The following LINGO2 variants were observed in gnomAD, a reference collection of about 807,000 sequenced individuals.
The protein encoded by LINGO2 is leucine rich repeat and Ig domain containing 2, also known as leucine-rich repeat and immunoglobulin-like domain-containing nogo receptor-interacting protein 2.
LINGO2 carries 14 observed loss-of-function variants against 30.6 expected under a neutral mutation model. That is an observed-to-expected ratio of 0.46 (90% confidence interval 0.30 to 0.72). The LOEUF (loss-of-function observed/expected upper bound fraction) is 0.72, where lower values mean the gene tolerates loss of function less well. Ranked by LOEUF, LINGO2 falls within the 30% of genes least tolerant of loss-of-function variation. The probability of loss-of-function intolerance (pLI) is 0.07; values close to 1 mark genes in which losing one functional copy is unlikely to be tolerated. For missense variants in LINGO2, 729 were observed against 751.7 expected (o/e 0.97, Z 0.35); for synonymous variants, 317 against 288.5 (o/e 1.10, Z -1.00).
At chr9:28,848,193 C>CT in the LINGO2 span, among the ~76,000 whole-genome samples, 4,272 of 92,618 alleles carry the variant, frequency 0.046, 597 homozygotes, top group African/African-American at 0.19. Flanking sequence ...TATATATACA[C>CT]ATATATAGTA....
chr9:28,845,224 T>C, the LINGO2 span, among the ~76,000 whole-genome samples: 1 of 151,898 alleles, frequency 6.6e-6, no homozygotes, highest in African/African-American at 2.4e-5. Context: ...GTCCAGATGC[T>C]CTTGAATTGG....
intron 1 of LINGO2, among the ~76,000 whole-genome samples, chr9:28,476,362 G>A (rs1001919101): frequency 6.6e-5 from 10 of 152,242 alleles, no homozygotes; most frequent in East Asian, 1.9e-4. Flanking sequence ...TGCAGGCTCC[G>A]CCTCCCGGGT....
intron 2 of LINGO2, among the ~76,000 whole-genome samples, chr9:28,421,327 AGGCTTAATATT>A (rs984895806): frequency 3.4e-4 from 51 of 152,078 alleles, no homozygotes; most frequent in African/African-American, 1.1e-3. Context: ...ATTAATCAGA[AGGCTTAATATT>A]GTTAAAATGT....
the LINGO2 span, among the ~76,000 whole-genome samples, chr9:28,970,798 G>A: frequency 1.3e-5 from 2 of 152,186 alleles, no homozygotes; most frequent in Admixed American, 1.3e-4. Flanking sequence ...TTGAAAGGCA[G>A]TCTAGGCGAC....
At chr9:28,456,203 C>T (rs1009341728) in intron 2 of LINGO2, among the ~76,000 whole-genome samples, 14 of 152,164 alleles carry the variant, frequency 9.2e-5, no homozygotes, top group African/African-American at 3.1e-4. Flanking sequence ...CCATTTTACA[C>T]ATAAGCAAAG....
Position 28,388,615 on chromosome 9 carries a change from C to T in LINGO2, c.-278-15747G>A, listed in dbSNP as rs1434913187. On this transcript the variant is annotated intron_variant, in intron 2 of 5. Coordinates refer to ENST00000379992, the Ensembl canonical transcript of LINGO2. The stretch of plus-strand genomic sequence containing the variant: ...AATTTTTGCCAATCCTGTATCTCAC[C>T]CTTCATTTTAATATGTATGTCCCTC... 3.9e-5 allele frequency among the ~76,000 whole-genome samples: 6 copies of T among 152,172 alleles called. No homozygotes were observed. In the South Asian group the frequency reaches 8.3e-4, roughly 21 times the overall value.
intron 4 of LINGO2, among the ~76,000 whole-genome samples, chr9:28,133,474 ATAAAGT>A (rs897159232): frequency 2.6e-5 from 4 of 152,304 alleles, no homozygotes; most frequent in African/African-American, 9.6e-5. Context: ...GACTAGAGAT[ATAAAGT>A]TAAAGTTAAT....
At chr9:29,098,870 A>AG in the LINGO2 span, among the ~76,000 whole-genome samples, 1 of 152,170 alleles carries the variant, frequency 6.6e-6, no homozygotes, top group Non-Finnish European at 1.5e-5. Context: ...AGCAACTGAA[A>AG]GAAAAAAAAT....
At chr9:28,749,733 AG>A in the LINGO2 span, among the ~76,000 whole-genome samples, 1 of 152,094 alleles carries the variant, frequency 6.6e-6, no homozygotes, top group African/African-American at 2.4e-5. Context: ...TACTCACAAA[AG>A]TTTTAAATTT....
At chr9:28,057,581 A>ATATGTATATACATATATATACACATC (rs1824991978) in intron 4 of LINGO2, among the ~76,000 whole-genome samples, 1 of 22,090 alleles carries the variant, frequency 4.5e-5, no homozygotes, top group Non-Finnish European at 1.3e-4. Context: ...ATATACACAT[A>ATATGTATATACATATATATACACATC]TATGTATATA....
intron 1 of LINGO2, among the ~76,000 whole-genome samples, chr9:28,556,777 T>C (rs1822725345): frequency 6.6e-6 from 1 of 151,942 alleles, no homozygotes; most frequent in East Asian, 1.9e-4. Context: ...CAAAACAGCA[T>C]GGTACTGGTA....
intron 4 of LINGO2, among the ~76,000 whole-genome samples, chr9:28,202,964 G>T (rs1564039949): frequency 6.6e-6 from 1 of 152,034 alleles, no homozygotes; most frequent in African/African-American, 2.4e-5. Flanking sequence ...GTAAAGCAGG[G>T]GCTTTGTTTG....
At chr9:28,804,513 T>C in the LINGO2 span, among the ~76,000 whole-genome samples, 1 of 151,200 alleles carries the variant, frequency 6.6e-6, no homozygotes, top group Non-Finnish European at 1.5e-5. Context: ...CAGTCTGGTA[T>C]ATTTTTTGTT....
the LINGO2 span, among the ~76,000 whole-genome samples, chr9:28,917,148 A>T: frequency 6.6e-6 from 1 of 152,164 alleles, no homozygotes. Context: ...TGTGTATCAG[A>T]CCCTGAAAAT....
chr9:28,428,013 C>G (rs1406476786), intron 2 of LINGO2, among the ~76,000 whole-genome samples: 1 of 152,136 alleles, frequency 6.6e-6, no homozygotes, highest in East Asian at 1.9e-4. Flanking sequence ...TGCAGAGTCT[C>G]TGTGTGTAAT....
chr9:28,950,064 T>C, the LINGO2 span, among the ~76,000 whole-genome samples: 1 of 152,106 alleles, frequency 6.6e-6, no homozygotes, highest in Admixed American at 6.5e-5. Context: ...GTTGGCTTCA[T>C]CCCTGGGATG....
intron 2 of LINGO2, among the ~76,000 whole-genome samples, chr9:28,373,347 T>A (rs1195644791): frequency 6.6e-6 from 1 of 152,184 alleles, no homozygotes; most frequent in Non-Finnish European, 1.5e-5. Flanking sequence ...GCGTCTTCTC[T>A]CTCCTTACTC....
chr9:28,643,451 T>C (rs1279377543), intron 1 of LINGO2, among the ~76,000 whole-genome samples: 1 of 152,036 alleles, frequency 6.6e-6, no homozygotes, highest in African/African-American at 2.4e-5. Context: ...AGACAGTCTC[T>C]TCAACAAGTG....
the LINGO2 span, among the ~76,000 whole-genome samples, chr9:29,192,908 T>C: frequency 1.3e-5 from 2 of 152,220 alleles, no homozygotes; most frequent in African/African-American, 4.8e-5. Context: ...TGTCAAACTA[T>C]GCGGTGCCCC....
Sources: gnomAD v4.1 joint callset for allele counts (sites outside exome capture counted in the v4.1 genomes callset) on GRCh38, gnomAD v4.1.1 for gene constraint, MANE v1.5 for transcripts, NCBI Gene and HGNC (gene_info 2026-07-23, HGNC 2026-07-21) for gene names.